Variants in ADAMTS2 observed in about 807,000 individuals in gnomAD.
The protein encoded by ADAMTS2 is ADAM metallopeptidase with thrombospondin type 1 motif 2, also known as A disintegrin and metalloproteinase with thrombospondin motifs 2.
In ADAMTS2, 50 loss-of-function variants were observed where a neutral mutation model predicts 123.0. The ratio of observed to expected loss-of-function variants is 0.41; its 90% CI spans 0.32 to 0.51. The LOEUF is 0.51. Ranked by LOEUF, ADAMTS2 falls within the 20% of genes least tolerant of loss-of-function variation. The pLI is 0.35. For synonymous variants in ADAMTS2, 678 were observed against 695.4 expected (o/e 0.98, Z 0.39); for missense variants, 1,494 against 1,705.2 (o/e 0.88, Z 2.18).
intron 3 of ADAMTS2, among the ~76,000 whole-genome samples, chr5:179,265,986 G>A (rs1014702196): frequency 6.6e-6 from 1 of 151,932 alleles, no homozygotes; most frequent in African/African-American, 2.4e-5. Context: ...ACAGTGGCTT[G>A]GCAGGGCCCA....
chr5:179,298,055 C>T (rs1756392632), intron 2 of ADAMTS2, among the ~76,000 whole-genome samples: 1 of 152,144 alleles, frequency 6.6e-6, no homozygotes, highest in African/African-American at 2.4e-5. Context: ...CCGCCCCCAG[C>T]TGCTCCGGTT....
At chr5:179,339,205 G>A (rs977347814) in intron 2 of ADAMTS2, among the ~76,000 whole-genome samples, 4 of 152,182 alleles carry the variant, frequency 2.6e-5, no homozygotes, top group African/African-American at 7.2e-5. Context: ...GGCTAGGCCC[G>A]CATCACAGCC....
At position 179,116,000 on chromosome 5, in the gene ADAMTS2, C is replaced by G. The variant is rs1390824699; in HGVS notation, c.3179-1676G>C. Among the ~76,000 whole-genome samples, 4 of 151,972 alleles carry G rather than the reference C, an allele frequency of 2.6e-5. No individual in the cohort carries two copies. The highest frequency in any genetic ancestry group is 4.4e-5 in the Non-Finnish European group (3 of 67,986). On this transcript the variant is annotated intron_variant, in intron 21 of 21. Coordinates refer to ENST00000251582, the MANE Select transcript of ADAMTS2 (RefSeq NM_014244.5). This position sits in a 1 kb window ranked among gnomAD's most constrained non-coding sequence, Gnocchi z 4.4. The stretch of plus-strand genomic sequence containing the variant: ...GGTCCCAAAAGCCCGAGACCCAACC[C>G]CTGCAGCGTGAGCTTAGGGCCTCTG...
Position 179,228,562 on chromosome 5 carries a change from G to A in ADAMTS2, c.689-20847C>T, listed in dbSNP as rs942426270. Among the ~76,000 whole-genome samples the A allele has an allele frequency of 3.7e-4, 57 of 152,352 alleles. No individual in the cohort carries two copies. Among genetic ancestry groups the A allele is most frequent in the African/African-American group, 1.3e-3 (55 of 41,584 alleles). ...TGCAGCAAGGCCCAGCTCTTATGCC[G>A]GCCACTGCCTTGCCTCCTGCCTGAT... On this transcript the variant is annotated intron_variant, in intron 3 of 21. Coordinates refer to ENST00000251582, the MANE Select transcript of ADAMTS2 (RefSeq NM_014244.5). This position sits in a 1 kb window ranked among gnomAD's most constrained non-coding sequence, Gnocchi z 5.2.
At chr5:179,216,584 C>G (rs1163418201) in intron 3 of ADAMTS2, among the ~76,000 whole-genome samples, 1 of 152,208 alleles carries the variant, frequency 6.6e-6, no homozygotes, top group Admixed American at 6.5e-5. Flanking sequence ...TCCTCGAGAC[C>G]TTGCTCACGA....
At chr5:179,291,617 CACCATTAAACG>C (rs1223175439) in intron 2 of ADAMTS2, among the ~76,000 whole-genome samples, 1 of 152,104 alleles carries the variant, frequency 6.6e-6, no homozygotes, top group African/African-American at 2.4e-5. Flanking sequence ...GGAGTGTGCC[CACCATTAAACG>C]AGGTTGAATT....
intron 2 of ADAMTS2, among the ~76,000 whole-genome samples, chr5:179,313,809 C>T (rs1457800831): frequency 2.6e-5 from 1 of 38,070 alleles, no homozygotes; most frequent in Non-Finnish European, 6.2e-5. Context: ...CACACTCACA[C>T]CGAGACAGAG....
chr5:179,269,772 C>T (rs1766479096), intron 3 of ADAMTS2, among the ~76,000 whole-genome samples: 2 of 152,182 alleles, frequency 1.3e-5, no homozygotes, highest in African/African-American at 2.4e-5. Flanking sequence ...CCCTGTACCC[C>T]AGCACAGTGT....
At chr5:179,274,048 C>A (rs892002037) in intron 2 of ADAMTS2, among the ~76,000 whole-genome samples, 20 of 151,410 alleles carry the variant, frequency 1.3e-4, no homozygotes, top group Non-Finnish European at 2.8e-4. Flanking sequence ...CCTGTGTTCC[C>A]CCTTCGAGGC....
chr5:179,139,818 G>T lies in ADAMTS2; in HGVS notation c.1775+72C>A. 3 of 1,597,686 alleles carry T rather than the reference G, an allele frequency of 1.9e-6. No individual in the cohort carries two copies. The South Asian group carries it at 3.3e-5, about 18-fold the overall frequency. ...CAGCCACAGGGCCCTCCAGGACAGGGCTGGCTGGAGAGGGTCTCCTGGACC... is the reference window on the plus strand; with the variant it reads ...CAGCCACAGGGCCCTCCAGGACAGGTCTGGCTGGAGAGGGTCTCCTGGACC... On this transcript the variant is annotated intron_variant, in intron 11 of 21. Coordinates refer to ENST00000251582, the MANE Select transcript of ADAMTS2 (RefSeq NM_014244.5).
At chr5:179,238,293 C>T (rs536611985) in intron 3 of ADAMTS2, among the ~76,000 whole-genome samples, 1 of 152,298 alleles carries the variant, frequency 6.6e-6, no homozygotes, top group East Asian at 1.9e-4. Flanking sequence ...CACGGATTCA[C>T]CCCCAGCTAC....
intron 9 of ADAMTS2, among the ~76,000 whole-genome samples, chr5:179,153,101 G>A (rs180776382): frequency 7.4e-4 from 112 of 152,196 alleles, no homozygotes; most frequent in Admixed American, 2.9e-3. Flanking sequence ...TGCCTGCCGC[G>A]CTCTCCTCCA....
At chr5:179,326,935 T>C (rs1757335611) in intron 2 of ADAMTS2, among the ~76,000 whole-genome samples, 1 of 152,014 alleles carries the variant, frequency 6.6e-6, no homozygotes, top group African/African-American at 2.4e-5. Flanking sequence ...AGCACTCATC[T>C]CAAAATAAGA....
At chr5:179,325,230 A>C (rs554462443) in intron 2 of ADAMTS2, among the ~76,000 whole-genome samples, 45 of 152,246 alleles carry the variant, frequency 3.0e-4, no homozygotes, top group African/African-American at 9.9e-4. Flanking sequence ...GGAAATGATG[A>C]TGGTCAGGAG....
At chr5:179,293,941 G>GT (rs1222147156) in intron 2 of ADAMTS2, among the ~76,000 whole-genome samples, 1 of 151,682 alleles carries the variant, frequency 6.6e-6, no homozygotes, top group Non-Finnish European at 1.5e-5. Flanking sequence ...TTGTTTTTTT[G>GT]TTTTTTTGTT....
chr5:179,124,154 A>G (rs4700782), intron 19 of ADAMTS2, among the ~76,000 whole-genome samples: 145,116 of 152,248 alleles, frequency 0.95, 69,223 homozygotes, highest in East Asian at 1. Context: ...CTGCAACTGC[A>G]AGTCCCGCTT....
chr5:179,293,066 C>T (rs1756232568), intron 2 of ADAMTS2, among the ~76,000 whole-genome samples: 2 of 152,204 alleles, frequency 1.3e-5, no homozygotes, highest in South Asian at 4.1e-4. Context: ...CATGACCTCA[C>T]CTTGGTGACA....
chr5:179,132,422 C>T lies in ADAMTS2; in HGVS notation c.2210-112G>A. On this transcript the variant is annotated intron_variant, in intron 14 of 21. Coordinates refer to ENST00000251582, the MANE Select transcript of ADAMTS2 (RefSeq NM_014244.5). This position sits in a 1 kb window ranked among gnomAD's most constrained non-coding sequence, Gnocchi z 6.1. ...AAGGCAGCTCCTCCGGAGGCTCTCC[C>T]AGGACCCTGGTATTTCTCTGGCTTT... 9.4e-7 allele frequency: 1 copy of T among 1,068,940 alleles called. No homozygotes were observed. The highest frequency in any genetic ancestry group is 1.4e-6 in the Non-Finnish European group (1 of 715,602). The allele number at this position is 1,068,940 out of a possible 1,614,324, so 66.2% of individuals were successfully genotyped here. A position where few individuals can be genotyped will look rare whatever the true frequency, so the allele number is the denominator to read the frequency against.
At position 179,132,840 on chromosome 5, in the gene ADAMTS2, C is replaced by T. The variant is rs370013405; in HGVS notation, c.2146G>A (p.Gly716Arg). 4.4e-5 allele frequency: 71 copies of T among 1,613,940 alleles called. No homozygotes were observed. The highest frequency in any genetic ancestry group is 1.3e-4 in the Admixed American group (8 of 59,994). Reference protein sequence around the residue: ...SKQEDKCGVCGGDNSHCKVVK... With the variant: ...SKQEDKCGVCRGDNSHCKVVK... The stretch of plus-strand genomic sequence containing the variant: ...ACTTTGCAGTGGCTGTTGTCCCCTC[C>T]GCACACGCCACACTTGTCTTCCTGC... Residue 716 changes from glycine (G) to arginine (R), a missense_variant, in exon 14 of 22, where the codon GGA (glycine) becomes AGA (arginine). Around this residue, in one of 6 missense-constraint regions of ADAMTS2, gnomAD observed 953 missense variants for 1,124.7 expected, o/e 0.85. Coordinates refer to ENST00000251582, the MANE Select transcript of ADAMTS2 (RefSeq NM_014244.5). This position sits in a 1 kb window ranked among gnomAD's most constrained non-coding sequence, Gnocchi z 6.1.
Sources: gnomAD v4.1 joint callset for allele counts (sites outside exome capture counted in the v4.1 genomes callset) on GRCh38, gnomAD v4.1.1 for gene constraint, gnomAD v4.1.1 regional missense constraint, Gnocchi (gnomAD v3.1) non-coding constraint, MANE v1.5 for transcripts, NCBI Gene and HGNC (gene_info 2026-07-23, HGNC 2026-07-21) for gene names.